CBLB: variants seen among roughly 807,000 people sequenced by gnomAD.
The protein encoded by CBLB is Cbl proto-oncogene B.
Under a neutral mutation model 104.9 loss-of-function variants are expected in CBLB, and 31 were observed. The observed-to-expected ratio is 0.30, with a 90% CI of 0.22 to 0.40. The LOEUF (loss-of-function observed/expected upper bound fraction) is 0.40. Ranked by LOEUF, CBLB falls within the 10% of genes least tolerant of loss-of-function variation. CBLB has a pLI of 1.00. For synonymous variants in CBLB, 440 were observed against 422.6 expected (o/e 1.04, Z -0.51); for missense variants, 1,062 against 1,214.6 (o/e 0.87, Z 1.87).
At chr3:105,814,545 G>A (rs141333275) in intron 3 of CBLB, among the ~76,000 whole-genome samples, 211 of 152,174 alleles carry the variant, frequency 1.4e-3, no homozygotes, top group African/African-American at 4.3e-3. Context: ...ATGACAAAAA[G>A]GATTCATGGA....
chr3:105,716,312 T>C (rs913526935), intron 10 of CBLB, among the ~76,000 whole-genome samples: 1 of 152,172 alleles, frequency 6.6e-6, no homozygotes, highest in Non-Finnish European at 1.5e-5. Context: ...GATTAGGTCA[T>C]TGCCCTAAAG....
chr3:105,709,632 C>G (rs1167724279), intron 10 of CBLB, among the ~76,000 whole-genome samples: 1 of 151,850 alleles, frequency 6.6e-6, no homozygotes, highest in African/African-American at 2.4e-5. Flanking sequence ...TATGGATTTA[C>G]AAAACCATTC....
intron 9 of CBLB, among the ~76,000 whole-genome samples, chr3:105,729,250 G>C (rs1349928382): frequency 1.3e-5 from 2 of 152,056 alleles, no homozygotes; most frequent in Non-Finnish European, 2.9e-5. Flanking sequence ...CCCCTTAATA[G>C]AAATTTCAGG....
Position 105,834,731 on chromosome 3 carries a change from A to C in CBLB, c.419+18683T>G, listed in dbSNP as rs373563109. On this transcript the variant is annotated intron_variant, in intron 3 of 18. Transcript: ENST00000394030. ...TCAAAAACAAAATCTTCCCCACTAT[A>C]CATAAATGAACTCAAGTATTCAGAA... Among the ~76,000 whole-genome samples, 14 of 152,308 alleles carry C rather than the reference A, an allele frequency of 9.2e-5. No homozygotes were observed. The South Asian group carries it at 2.9e-3, about 32-fold the overall frequency.
At chr3:105,740,073 A>C (rs2075373792) in intron 7 of CBLB, among the ~76,000 whole-genome samples, 1 of 151,264 alleles carries the variant, frequency 6.6e-6, no homozygotes, top group Non-Finnish European at 1.5e-5. Flanking sequence ...ACTGCACTCC[A>C]GCCTGGCAAC....
At chr3:105,741,597 G>A (rs371826272) in intron 6 of CBLB, among the ~76,000 whole-genome samples, 9 of 152,090 alleles carry the variant, frequency 5.9e-5, no homozygotes, top group African/African-American at 1.2e-4. Flanking sequence ...GGGGTTCACC[G>A]TGTTAGCCAG....
intron 5 of CBLB, among the ~76,000 whole-genome samples, chr3:105,748,529 C>T (rs1366130110): frequency 6.6e-6 from 1 of 152,092 alleles, no homozygotes; most frequent in East Asian, 1.9e-4. Context: ...AAAAGGGGAA[C>T]AACAGCCCCA....
chr3:105,839,862 T>C (rs1577716899), intron 3 of CBLB, among the ~76,000 whole-genome samples: 2 of 152,356 alleles, frequency 1.3e-5, no homozygotes, highest in Admixed American at 1.3e-4. Context: ...TTTTTACATA[T>C]GCAATTGTAA....
intron 3 of CBLB, among the ~76,000 whole-genome samples, chr3:105,818,439 T>C (rs2085357583): frequency 6.6e-6 from 1 of 152,058 alleles, no homozygotes; most frequent in Non-Finnish European, 1.5e-5. Flanking sequence ...TTAATAATAT[T>C]CCCTACTGAA....
At chr3:105,819,417 G>A (rs2153054304) in intron 3 of CBLB, among the ~76,000 whole-genome samples, 1 of 151,972 alleles carries the variant, frequency 6.6e-6, no homozygotes, top group East Asian at 1.9e-4. Flanking sequence ...AACCCAGGAG[G>A]AGGAAGTTGC....
intron 14 of CBLB, among the ~76,000 whole-genome samples, chr3:105,683,966 T>C (rs903720906): frequency 3.3e-5 from 5 of 152,240 alleles, no homozygotes; most frequent in African/African-American, 1.2e-4. Flanking sequence ...AATGTGCTTC[T>C]CTTTCCAAGT....
chr3:105,811,004 T>C (rs1379179147), intron 3 of CBLB, among the ~76,000 whole-genome samples: 2 of 152,166 alleles, frequency 1.3e-5, no homozygotes, highest in Non-Finnish European at 2.9e-5. Context: ...CTTTTTATTA[T>C]CAAAGCCATT....
chr3:105,672,736 G>A (rs574969887), intron 17 of CBLB: 1 of 152,130 alleles, frequency 6.6e-6, no homozygotes, highest in South Asian at 2.1e-4. Context: ...GTGATTTATA[G>A]TACAGCACTG....
chr3:105,829,684 A>C (rs1414945099), intron 3 of CBLB, among the ~76,000 whole-genome samples: 13 of 87,010 alleles, frequency 1.5e-4, no homozygotes, highest in Non-Finnish European at 2.0e-4. Flanking sequence ...AAAAAAAAAA[A>C]AAAAAAAAAA....
chr3:105,680,654 T>C (rs1421218213), intron 16 of CBLB, among the ~76,000 whole-genome samples: 1 of 152,236 alleles, frequency 6.6e-6, no homozygotes, highest in Non-Finnish European at 1.5e-5. Context: ...TTCAAAATAC[T>C]AGTCAGTGGT....
At chr3:105,756,515 TAA>T (rs1457084703) in intron 4 of CBLB, among the ~76,000 whole-genome samples, 1 of 152,166 alleles carries the variant, frequency 6.6e-6, no homozygotes, top group African/African-American at 2.4e-5. Flanking sequence ...ATTCATATTA[TAA>T]AGAGTCAGTT....
At chr3:105,827,349 G>A (rs541746551) in intron 3 of CBLB, among the ~76,000 whole-genome samples, 1 of 151,906 alleles carries the variant, frequency 6.6e-6, no homozygotes, top group Non-Finnish European at 1.5e-5. Context: ...CTCCCACACA[G>A]AAGTTGGTTC....
chr3:105,836,442 T>C (rs898072830), intron 3 of CBLB, among the ~76,000 whole-genome samples: 46 of 152,140 alleles, frequency 3.0e-4, no homozygotes, highest in African/African-American at 1.1e-3. Flanking sequence ...TTTTAAAAAG[T>C]AATTCAAGGA....
chr3:105,665,438 TATATACAC>T (rs879704187), intron 18 of CBLB, among the ~76,000 whole-genome samples: 1,513 of 79,974 alleles, frequency 0.019, 12 homozygotes, highest in Middle Eastern at 0.058. Context: ...TATATATATA[TATATACAC>T]ACACACACAC....
Sources: allele counts gnomAD v4.1 joint callset (sites outside exome capture counted in the v4.1 genomes callset), GRCh38; gene constraint gnomAD v4.1.1; transcripts MANE v1.5; gene names NCBI Gene and HGNC (gene_info 2026-07-23, HGNC 2026-07-21).